Variants in HORMAD2 observed in about 807,000 individuals in gnomAD.
HORMAD2 encodes the protein HORMA domain containing 2, also known as HORMA domain-containing protein 2.
HORMAD2 carries 45 observed loss-of-function variants against 38.8 expected under a neutral mutation model. The observed-to-expected ratio is 1.16, with a 90% CI of 0.91 to 1.49. The LOEUF is 1.49. Among genes scored for constraint, HORMAD2 ranks in the 40% most tolerant of loss-of-function variants. The probability of loss-of-function intolerance (pLI) is 0.00; values close to 1 mark genes in which losing one functional copy is unlikely to be tolerated. For missense variants in HORMAD2, 338 were observed against 367.0 expected (o/e 0.92, Z 0.65); for synonymous variants, 126 against 122.8 (o/e 1.03, Z -0.17).
chr22:30,201,242 G>T, the HORMAD2 span, among the ~76,000 whole-genome samples: 15 of 152,044 alleles, frequency 9.9e-5, no homozygotes, highest in East Asian at 2.7e-3. Context: ...CTTCACAAAG[G>T]TTTCTTCTCC....
intron 10 of HORMAD2, among the ~76,000 whole-genome samples, chr22:30,130,453 T>A (rs953134015): frequency 4.6e-5 from 7 of 152,122 alleles, no homozygotes; most frequent in Non-Finnish European, 2.9e-5. Flanking sequence ...AATAGAACGT[T>A]GGAATTGTCC....
the HORMAD2 span, among the ~76,000 whole-genome samples, chr22:30,201,298 A>G: frequency 6.6e-6 from 1 of 152,060 alleles, no homozygotes; most frequent in African/African-American, 2.4e-5. Flanking sequence ...CACAGCTATC[A>G]GCCATTGCAC....
intron 1 of HORMAD2, among the ~76,000 whole-genome samples, chr22:30,089,976 A>G (rs910717043): frequency 4.6e-5 from 7 of 152,218 alleles, no homozygotes; most frequent in Admixed American, 2.0e-4. Context: ...GGATCATATA[A>G]TATTTGTCCT....
intron 2 of HORMAD2, among the ~76,000 whole-genome samples, chr22:30,096,390 C>G (rs1177199290): frequency 6.6e-6 from 1 of 152,150 alleles, no homozygotes; most frequent in Non-Finnish European, 1.5e-5. Context: ...CATTTACCCT[C>G]CCACAACCAG....
intron 1 of HORMAD2, among the ~76,000 whole-genome samples, chr22:30,088,160 T>C (rs972633244): frequency 7.3e-5 from 11 of 150,970 alleles, no homozygotes; most frequent in Non-Finnish European, 1.0e-4. Flanking sequence ...TGTATACACG[T>C]ATACCTATGT....
intron 2 of HORMAD2, among the ~76,000 whole-genome samples, chr22:30,094,343 A>G (rs1323206628): frequency 6.6e-6 from 1 of 152,208 alleles, no homozygotes; most frequent in Non-Finnish European, 1.5e-5. Context: ...CTTGTGTTGC[A>G]CACCATGGTG....
chr22:30,181,775 T>A (rs1023622922), downstream of HORMAD2, among the ~76,000 whole-genome samples: 3 of 152,184 alleles, frequency 2.0e-5, no homozygotes, highest in Non-Finnish European at 4.4e-5. Flanking sequence ...TAAAGAATTT[T>A]CCCCCAATGC....
intron 10 of HORMAD2, chr22:30,137,788 G>A (rs557921901): frequency 6.6e-6 from 1 of 152,460 alleles, no homozygotes. Context: ...CCATTGTACG[G>A]ATACACCACA....
chr22:30,130,168 G>A (rs1054985764), intron 10 of HORMAD2, among the ~76,000 whole-genome samples: 4 of 152,150 alleles, frequency 2.6e-5, no homozygotes, highest in Non-Finnish European at 5.9e-5. Context: ...CTTGTTGTGA[G>A]ACCGTTGAAA....
chr22:30,092,070 A>G (rs375941878), intron 1 of HORMAD2, among the ~76,000 whole-genome samples: 1 of 119,284 alleles, frequency 8.4e-6, no homozygotes, highest in African/African-American at 3.2e-5. Flanking sequence ...TTGTATTTTT[A>G]GTAAAGACAG....
chr22:30,091,368 C>T (rs1478889904), intron 1 of HORMAD2, among the ~76,000 whole-genome samples: 1 of 150,136 alleles, frequency 6.7e-6, no homozygotes, highest in African/African-American at 2.4e-5. Context: ...CTCCTGGGCT[C>T]AAGTAGTCCA....
intron 3 of HORMAD2, among the ~76,000 whole-genome samples, chr22:30,099,537 C>T (rs1920929667): frequency 6.6e-6 from 1 of 152,116 alleles, no homozygotes; most frequent in African/African-American, 2.4e-5. Flanking sequence ...TTAAACTTAT[C>T]ATCTTATTGT....
At chr22:30,168,275 A>G (rs747698275) in intron 10 of HORMAD2, among the ~76,000 whole-genome samples, 57 of 152,266 alleles carry the variant, frequency 3.7e-4, no homozygotes, top group Non-Finnish European at 7.4e-4. Context: ...TCAAACATAA[A>G]TCATTCAACT....
intron 10 of HORMAD2, among the ~76,000 whole-genome samples, chr22:30,154,927 G>T (rs1322993371): frequency 1.3e-5 from 2 of 152,094 alleles, no homozygotes; most frequent in African/African-American, 2.4e-5. Context: ...AAAGTTAGCT[G>T]GGTGTGGTGG....
At chr22:30,152,651 G>GA (rs1300967188) in intron 10 of HORMAD2, among the ~76,000 whole-genome samples, 3 of 152,220 alleles carry the variant, frequency 2.0e-5, no homozygotes, top group Non-Finnish European at 4.4e-5. Context: ...TTATATTGAT[G>GA]ATATACTCAT....
At chr22:30,083,874 G>T (rs2068526298) in intron 1 of HORMAD2, among the ~76,000 whole-genome samples, 1 of 152,120 alleles carries the variant, frequency 6.6e-6, no homozygotes, top group African/African-American at 2.4e-5. Flanking sequence ...ACTAGAAAGA[G>T]ACCCTCCCAT....
chr22:30,161,540 C>T (rs1015833591), intron 10 of HORMAD2, among the ~76,000 whole-genome samples: 1 of 152,158 alleles, frequency 6.6e-6, no homozygotes, highest in Non-Finnish European at 1.5e-5. Flanking sequence ...ATAATTACTT[C>T]AAGTATGTGC....
At chr22:30,132,381 A>G (rs534233815) in intron 10 of HORMAD2, among the ~76,000 whole-genome samples, 1 of 152,302 alleles carries the variant, frequency 6.6e-6, no homozygotes, top group Non-Finnish European at 1.5e-5. Flanking sequence ...CAGGAGTACA[A>G]GACCAGCCTG....
At chr22:30,119,458 T>G (rs955177832) in intron 8 of HORMAD2, among the ~76,000 whole-genome samples, 2 of 152,202 alleles carry the variant, frequency 1.3e-5, no homozygotes, top group Non-Finnish European at 2.9e-5. Flanking sequence ...TATTCTCATT[T>G]GCTTACCCCA....
Sources: gnomAD v4.1 joint callset for allele counts (sites outside exome capture counted in the v4.1 genomes callset) on GRCh38, gnomAD v4.1.1 for gene constraint, MANE v1.5 for transcripts, NCBI Gene and HGNC (gene_info 2026-07-23, HGNC 2026-07-21) for gene names.